The following SORD variants were observed in gnomAD, a reference collection of about 807,000 sequenced individuals.
SORD encodes sorbitol dehydrogenase.
SORD carries 18 observed loss-of-function variants against 35.6 expected under a neutral mutation model. The observed-to-expected ratio is 0.51, with a 90% confidence interval of 0.35 to 0.75. The LOEUF (loss-of-function observed/expected upper bound fraction) is 0.75, where lower values mean the gene tolerates loss of function less well. SORD is among the 30% of genes least tolerant of loss of function. The pLI is 0.01. For synonymous variants in SORD, 106 were observed against 152.9 expected, an observed-to-expected ratio of 0.69 and a Z score of 2.26; for missense variants, 250 against 390.2, an observed-to-expected ratio of 0.64 and a Z score of 3.03.
intron 3 of SORD, chr15:45,047,095 A>T (rs556529284): frequency 6.6e-6 from 1 of 151,010 alleles, no homozygotes; most frequent in African/African-American, 2.4e-5. Flanking sequence ...AAGCATTCCT[A>T]TTTTTTTTTA....
intron 7 of SORD, among the ~76,000 whole-genome samples, chr15:45,069,480 G>A (rs1000194613): frequency 2.6e-5 from 4 of 152,032 alleles, no homozygotes; most frequent in Non-Finnish European, 2.9e-5. Flanking sequence ...AAAGTGCTGG[G>A]ATTACAGGCG....
At chr15:45,049,904 C>T (rs1893100034) in intron 3 of SORD, among the ~76,000 whole-genome samples, 1 of 152,186 alleles carries the variant, frequency 6.6e-6, no homozygotes, top group Non-Finnish European at 1.5e-5. Context: ...ATATTTTTCT[C>T]TTGCCAGTCC....
intron 1 of SORD, 41 bp downstream of exon 1, chr15:45,023,390 T>TCA: frequency 6.7e-7 from 1 of 1,487,048 alleles, no homozygotes; most frequent in Non-Finnish European, 9.0e-7. Context: ...CGATCCTGCC[T>TCA]CACTCTCCTC....
chr15:45,042,499 A>AAATAAAT (rs1892983151), intron 2 of SORD: 1 of 150,658 alleles, frequency 6.6e-6, no homozygotes, highest in Non-Finnish European at 1.5e-5. Context: ...CTAAAAATAA[A>AAATAAAT]AAATAAATAA....
At chr15:45,027,688 C>T (rs1892698036) in intron 1 of SORD, among the ~76,000 whole-genome samples, 1 of 152,220 alleles carries the variant, frequency 6.6e-6, no homozygotes, top group African/African-American at 2.4e-5. Flanking sequence ...TTACTGTATG[C>T]CCCTTTGATC....
chr15:45,071,216 G>C (rs1893507657), intron 7 of SORD, among the ~76,000 whole-genome samples: 1 of 152,150 alleles, frequency 6.6e-6, no homozygotes, highest in Non-Finnish European at 1.5e-5. Context: ...GCAAACTGCT[G>C]GCATCTTGGC....
intron 1 of SORD, among the ~76,000 whole-genome samples, chr15:45,035,313 C>G (rs567348629): frequency 6.6e-6 from 1 of 152,342 alleles, no homozygotes; most frequent in East Asian, 1.9e-4. Flanking sequence ...CTAGTGGGAA[C>G]TTGGAGGACC....
At chr15:45,044,991 C>T (rs1467620589) in intron 3 of SORD, among the ~76,000 whole-genome samples, 1 of 152,100 alleles carries the variant, frequency 6.6e-6, no homozygotes, top group East Asian at 1.9e-4. Context: ...AGCCACTGCA[C>T]CTGGGCTATT....
intron 1 of SORD, among the ~76,000 whole-genome samples, chr15:45,031,765 C>A (rs74011338): frequency 0.2 from 27,853 of 139,284 alleles, 5 homozygotes; most frequent in African/African-American, 0.44. Context: ...CCTTGGCTTC[C>A]CTTTCTTATC....
intron 1 of SORD, among the ~76,000 whole-genome samples, chr15:45,034,982 G>C (rs1313196582): frequency 1.3e-5 from 2 of 152,182 alleles, no homozygotes; most frequent in Non-Finnish European, 2.9e-5. Context: ...ACCCGGGCCA[G>C]CGGCTGCGGA....
At chr15:45,052,854 C>G (rs1893148544) in intron 3 of SORD, among the ~76,000 whole-genome samples, 1 of 152,112 alleles carries the variant, frequency 6.6e-6, no homozygotes, top group African/African-American at 2.4e-5. Context: ...TGGCAGCCTG[C>G]ATGAAGTCTG....
At chr15:45,038,051 G>A (rs1403838658) in intron 1 of SORD, among the ~76,000 whole-genome samples, 1 of 151,846 alleles carries the variant, frequency 6.6e-6, no homozygotes, top group African/African-American at 2.4e-5. Context: ...CAACAACTTT[G>A]AGGAAGGTTT....
At position 45,023,261 on chromosome 15, in the gene SORD, C is replaced by T. The variant is rs1337217544; in HGVS notation, c.-23C>T. ...CAAACGTCCCGCGCCTTCCAGGCCG[C>T]ACTCCAGAGCCAAAAGAGCTCCATG... On this transcript the variant is annotated 5_prime_UTR_variant, in exon 1 of 9. Coordinates refer to ENST00000267814, the MANE Select transcript of SORD (RefSeq NM_003104.6). 1 of 1,549,998 alleles carries T rather than the reference C, an allele frequency of 6.5e-7. No individual in the cohort carries two copies. Among genetic ancestry groups the T allele is most frequent in the African/African-American group, 1.4e-5 (1 of 72,858 alleles).
intron 3 of SORD, among the ~76,000 whole-genome samples, chr15:45,053,128 T>C (rs977354358): frequency 2.0e-5 from 3 of 152,146 alleles, no homozygotes; most frequent in Non-Finnish European, 2.9e-5. Flanking sequence ...GAAAGGCAAG[T>C]ACTACTGTTA....
At chr15:45,034,161 G>T (rs1249611637) in intron 1 of SORD, among the ~76,000 whole-genome samples, 4 of 151,090 alleles carry the variant, frequency 2.6e-5, no homozygotes, top group East Asian at 1.9e-4. Flanking sequence ...AAGAGTGAAT[G>T]TATTTACTGA....
In SORD at chr15:45,072,758, C is replaced by A. The variant is rs192345368; in HGVS notation, c.908+320C>A. Reference sequence around the variant, plus strand: ...AAGTTGCCAGGTCTCCATTTTCTCCCTTTAAAGGGAAGAAGGAGAGAAAGG... The same window carrying A: ...AAGTTGCCAGGTCTCCATTTTCTCCATTTAAAGGGAAGAAGGAGAGAAAGG... On this transcript the variant is annotated intron_variant, in intron 8 of 8. Coordinates refer to ENST00000267814, the MANE Select transcript of SORD (RefSeq NM_003104.6). 3.6e-4 allele frequency among the ~76,000 whole-genome samples: 50 copies of A among 139,100 alleles called. 4 individuals are homozygous for A. Among genetic ancestry groups the A allele is most frequent in the South Asian group, 8.8e-4 (4 of 4,562 alleles). The allele number at this position is 139,100 out of a possible 152,430, so 91.3% of individuals were successfully genotyped here. A position where few individuals can be genotyped will look rare whatever the true frequency, so the allele number is the denominator to read the frequency against.
chr15:45,061,134 C>T lies in SORD; in HGVS notation c.333C>T (p.Tyr111=), dbSNP rs1893298045. The change falls in exon 4 of 9, where the codon TAC becomes TAT. Residue 111 remains tyrosine, a synonymous_variant. Coordinates refer to ENST00000267814, the MANE Select transcript of SORD (RefSeq NM_003104.6). ...ATGAATTCTGCAAGATGGGCCGATA[C>T]AATCTGTCACCTTCCATCTTCTTCT... is the stretch of plus-strand genomic sequence containing the variant. The part of the protein sequence containing the change: ...ENDEFCKMGR[Y]NLSPSIFFCA... 1 of 1,614,152 alleles carries T rather than the reference C, an allele frequency of 6.2e-7. No individual in the cohort carries two copies. Among genetic ancestry groups the T allele is most frequent in the Non-Finnish European group, 8.5e-7 (1 of 1,180,010 alleles).
At chr15:45,036,577 C>T (rs1294923753) in intron 1 of SORD, among the ~76,000 whole-genome samples, 1 of 152,080 alleles carries the variant, frequency 6.6e-6, no homozygotes, top group Non-Finnish European at 1.5e-5. Flanking sequence ...ACCTGTAATC[C>T]CAGCTACTTG....
chr15:45,052,671 T>C (rs75357112), intron 3 of SORD, among the ~76,000 whole-genome samples: 2,433 of 152,286 alleles, frequency 0.016, 18 homozygotes, highest in Middle Eastern at 0.031. Flanking sequence ...TTCAAATTCA[T>C]TGGGCAGACA....
Sources: gnomAD v4.1 joint callset for allele counts (sites outside exome capture counted in the v4.1 genomes callset) on GRCh38, gnomAD v4.1.1 for gene constraint, MANE v1.5 for transcripts, NCBI Gene and HGNC (gene_info 2026-07-23, HGNC 2026-07-21) for gene names.